CPN1: variants seen among roughly 807,000 people sequenced by gnomAD.
The protein encoded by CPN1 is carboxypeptidase N subunit 1.
CPN1 carries 37 observed loss-of-function variants against 46.4 expected under a neutral mutation model. The observed-to-expected ratio is 0.80, with a 90% confidence interval of 0.61 to 1.05. The LOEUF (loss-of-function observed/expected upper bound fraction) is 1.05. Ranked by LOEUF, CPN1 falls within the 50% of genes least tolerant of loss-of-function variation. The probability of loss-of-function intolerance (pLI) is 0.00; values close to 1 mark genes in which losing one functional copy is unlikely to be tolerated. For missense variants in CPN1, 563 were observed against 602.6 expected (o/e 0.93, Z 0.69); for synonymous variants, 224 against 235.4 (o/e 0.95, Z 0.44).
rs372376426 is a variant in CPN1 at position 100,048,855 on chromosome 10, C to T, written c.1133G>A (p.Arg378Gln). 1.1e-5 allele frequency: 17 copies of T among 1,613,166 alleles called. No homozygotes were observed. Among genetic ancestry groups the T allele is most frequent in the African/African-American group, 5.3e-5 (4 of 74,846 alleles). Residue 378 changes from arginine (R) to glutamine (Q), a missense_variant, in exon 8 of 9, where the codon CGG becomes CAG. Physicochemically the swap from Arg to Gln is conservative, Grantham distance 43. Transcript: ENST00000370418. ...VTSGDHGDYF[R>Q]LLLPGIYTVS... ...AGTGTAGATACCTGGAAGCAGCAGC[C>T]GGAAGTAATCACCATGGTCACCTGA...
intron 6 of CPN1, among the ~76,000 whole-genome samples, chr10:100,054,989 G>T (rs1025516524): frequency 6.6e-6 from 1 of 151,762 alleles, no homozygotes; most frequent in African/African-American, 2.4e-5. Flanking sequence ...TGTAATTCCA[G>T]CACTTTGGGA....
chr10:100,064,725 T>C (rs917657111), intron 4 of CPN1, among the ~76,000 whole-genome samples: 1 of 152,128 alleles, frequency 6.6e-6, no homozygotes, highest in African/African-American at 2.4e-5. Flanking sequence ...TATATTAATA[T>C]AAAATTAATG....
At chr10:100,058,635 C>T (rs1458630160) in intron 5 of CPN1, among the ~76,000 whole-genome samples, 3 of 152,110 alleles carry the variant, frequency 2.0e-5, no homozygotes, top group African/African-American at 7.2e-5. Context: ...AATGCAATCC[C>T]TATCAAAATC....
At chr10:100,079,913 C>T (rs1391825072) in intron 1 of CPN1, among the ~76,000 whole-genome samples, 4 of 152,006 alleles carry the variant, frequency 2.6e-5, no homozygotes, top group South Asian at 2.1e-4. Flanking sequence ...GGTGAAACCC[C>T]GTCTCTACTA....
chr10:100,043,536 G>A (rs953796322), intron 8 of CPN1, among the ~76,000 whole-genome samples: 6 of 152,184 alleles, frequency 3.9e-5, no homozygotes, highest in Non-Finnish European at 5.9e-5. Context: ...GTGACTCACA[G>A]GTGCCATGCT....
intron 1 of CPN1, among the ~76,000 whole-genome samples, chr10:100,079,526 A>G (rs916969974): frequency 2.0e-5 from 3 of 152,368 alleles, no homozygotes; most frequent in South Asian, 2.1e-4. Context: ...CATGATGTCC[A>G]TGAACACTCA....
chr10:100,065,390 TGGCGGTGAAG>T lies in CPN1; in HGVS notation c.577-30_577-21del, dbSNP rs2041449254. 1 of 1,613,842 alleles carries T rather than the reference TGGCGGTGAAG, an allele frequency of 6.2e-7. No individual in the cohort carries two copies. Among genetic ancestry groups the T allele is most frequent in the East Asian group, 2.2e-5 (1 of 44,860 alleles). On this transcript the variant is annotated intron_variant, in intron 3 of 8. Coordinates refer to ENST00000370418, the MANE Select transcript of CPN1 (RefSeq NM_001308.3). ...TTCCACCTGGGAGGAGGCGAGAGGT[TGGCGGTGAAG>T]GGCCAACTGGGGCTACCAAACAAAC... is the stretch of plus-strand genomic sequence containing the variant.
chr10:100,045,791 A>G (rs2041304225), intron 8 of CPN1, among the ~76,000 whole-genome samples: 1 of 152,234 alleles, frequency 6.6e-6, no homozygotes, highest in South Asian at 2.1e-4. Flanking sequence ...CATGTCATAC[A>G]TAGTACTTAT....
chr10:100,054,850 T>C (rs1242238255), intron 6 of CPN1, among the ~76,000 whole-genome samples: 2 of 151,028 alleles, frequency 1.3e-5, no homozygotes, highest in African/African-American at 2.4e-5. Flanking sequence ...TCTTTTTTTT[T>C]TTTTTTTTTT....
At position 100,081,717 on chromosome 10, in the gene CPN1, T is replaced by A; in HGVS notation, c.-92A>T. On this transcript the variant is annotated 5_prime_UTR_variant, in exon 1 of 9. Transcript: ENST00000370418. ...CACCCGCCAAAATCCAAGGTCCACC[T>A]AGCTTCCCGCTTGTAAACACCAGTC... 2.8e-6 allele frequency: 3 copies of A among 1,052,906 alleles called. No homozygotes were observed. The highest frequency in any genetic ancestry group is 2.7e-5 in the South Asian group (2 of 74,386). The allele number at this position is 1,052,906 out of a possible 1,614,324, so 65.2% of individuals were successfully genotyped here.
chr10:100,081,640 T>C lies in CPN1; in HGVS notation c.-15A>G, dbSNP rs200920833. The C allele has an allele frequency of 2.8e-4, 456 of 1,611,696 alleles. 1 individual carries two copies. In the African/African-American group the frequency reaches 5.5e-3, roughly 20 times the overall value. ...AGGTCTGACATCTTGCTGGGCTTTT[T>C]CAAAGAGAGCCACTGAAACGCGCCC... On this transcript the variant is annotated 5_prime_UTR_variant, in exon 1 of 9. Coordinates refer to ENST00000370418, the MANE Select transcript of CPN1 (RefSeq NM_001308.3).
At chr10:100,050,581 A>G (rs143474623) in intron 7 of CPN1, among the ~76,000 whole-genome samples, 90 of 152,210 alleles carry the variant, frequency 5.9e-4, no homozygotes, top group African/African-American at 1.9e-3. Flanking sequence ...CTTATATTCA[A>G]TGGGAAGGCT....
intron 8 of CPN1, among the ~76,000 whole-genome samples, chr10:100,045,366 G>C (rs2041302062): frequency 6.6e-6 from 1 of 152,180 alleles, no homozygotes. Context: ...AGAAAAAAGG[G>C]AAAGAGGACC....
chr10:100,057,083 A>G lies in CPN1; in HGVS notation c.941T>C (p.Phe314Ser). Residue 314 changes from phenylalanine to serine, a missense_variant, in exon 6 of 9, where the codon TTT (phenylalanine) becomes TCT (serine). Phe to Ser is a radical substitution (Grantham distance 155). Coordinates refer to ENST00000370418, the MANE Select transcript of CPN1 (RefSeq NM_001308.3). ...EITLELSCDK[F>S]PPEEELQREW... ...CCGCTGTAACTCCTCTTCGGGGGGA[A>G]ACTTGTCGCAACTCAGTTCCAGCGT... The G allele has an allele frequency of 1.2e-6, 2 of 1,614,138 alleles. No homozygotes were observed. Among genetic ancestry groups the G allele is most frequent in the Non-Finnish European group, 1.7e-6 (2 of 1,180,014 alleles).
chr10:100,068,464 CG>C (rs754123035), intron 3 of CPN1, among the ~76,000 whole-genome samples: 3 of 151,986 alleles, frequency 2.0e-5, no homozygotes, highest in Non-Finnish European at 4.4e-5. Context: ...CCGCCCGCCT[CG>C]GCCTCCCAAA....
chr10:100,050,851 T>C (rs769742939), intron 7 of CPN1, among the ~76,000 whole-genome samples: 5 of 152,208 alleles, frequency 3.3e-5, no homozygotes, highest in Admixed American at 6.5e-5. Flanking sequence ...AGCATGGTCT[T>C]GAACTCTTGA....
At chr10:100,054,841 C>CT (rs56250435) in intron 6 of CPN1, among the ~76,000 whole-genome samples, 293 of 132,724 alleles carry the variant, frequency 2.2e-3, no homozygotes, top group Middle Eastern at 0.019. Context: ...TTCTTTCTTT[C>CT]TTTTTTTTTT....
chr10:100,071,394 A>T (rs1373264261), intron 2 of CPN1, among the ~76,000 whole-genome samples: 1 of 152,196 alleles, frequency 6.6e-6, no homozygotes, highest in Admixed American at 6.5e-5. Context: ...TGGTGGCCAG[A>T]GGAAGTCCTT....
At chr10:100,075,778 C>A in intron 2 of CPN1, 133 bp downstream of exon 2, 6 of 1,006,422 alleles carry the variant, frequency 6.0e-6, no homozygotes, top group Non-Finnish European at 8.9e-6. Context: ...TGGATTTTTT[C>A]TCTTGGCCAT....
Sources: allele counts gnomAD v4.1 joint callset (sites outside exome capture counted in the v4.1 genomes callset), GRCh38; gene constraint gnomAD v4.1.1; transcripts MANE v1.5; gene names NCBI Gene and HGNC (gene_info 2026-07-23, HGNC 2026-07-21).